EEA1: variants seen among roughly 807,000 people sequenced by gnomAD.
The protein encoded by EEA1 is early endosome antigen 1.
In EEA1, 111 loss-of-function variants were observed where a neutral mutation model predicts 209.2. The ratio of observed to expected loss-of-function variants is 0.53; its 90% CI spans 0.45 to 0.62. The LOEUF (loss-of-function observed/expected upper bound fraction) is 0.62, where lower values mean the gene tolerates loss of function less well. Ranked by LOEUF, EEA1 falls within the 20% of genes least tolerant of loss-of-function variation. The pLI, the probability that EEA1 is intolerant of heterozygous loss-of-function variation, is 0.00. For synonymous variants in EEA1, 536 were observed against 540.6 expected (o/e 0.99, Z 0.12); for missense variants, 1,343 against 1,530.8 (o/e 0.88, Z 2.05).
At position 92,851,150 on chromosome 12, in the gene EEA1, A is replaced by G. The variant is rs941891613; in HGVS notation, c.759T>C (p.Asp253=). The change falls in exon 9 of 29, where the codon GAT becomes GAC. Residue 253 remains aspartate, a synonymous_variant. Coordinates refer to ENST00000322349, the MANE Select transcript of EEA1 (RefSeq NM_003566.4). ...ATTGTGACTGCAATTTTTTGCATTC[A>G]TCTTTGAGTTTTTCAGATTCTCGCT... The part of the protein sequence containing the change: ...ERERESEKLK[D]ECKKLQSQYA... The G allele has an allele frequency of 6.2e-7, 1 of 1,613,478 alleles. No homozygotes were observed. The highest frequency in any genetic ancestry group is 1.3e-5 in the African/African-American group (1 of 74,872).
chr12:92,892,872 C>A (rs11615429), intron 1 of EEA1, among the ~76,000 whole-genome samples: 5 of 151,798 alleles, frequency 3.3e-5, no homozygotes, highest in Non-Finnish European at 7.4e-5. Context: ...TCAAGTGATC[C>A]CCCCACCTTG....
intron 9 of EEA1, among the ~76,000 whole-genome samples, chr12:92,847,099 T>C (rs966678963): frequency 1.1e-4 from 17 of 152,008 alleles, no homozygotes; most frequent in Non-Finnish European, 2.1e-4. Context: ...ATTACAGGCA[T>C]GCGCCACCAC....
chr12:92,789,843 G>A (rs955670721), intron 21 of EEA1, among the ~76,000 whole-genome samples: 2 of 152,202 alleles, frequency 1.3e-5, no homozygotes, highest in South Asian at 4.1e-4. Flanking sequence ...CCCCTGAGTA[G>A]CCTAACTGGG....
rs1166297730 is a variant in EEA1 at position 92,774,039 on chromosome 12, AATTT to A, written c.*1968_*1971del. ...ATATTCAAACCCAGATTTCTCATGG[AATTT>A]ATTATCTCAAAAAAAAAAAAAAAAC... is the stretch of plus-strand genomic sequence containing the variant. On this transcript the variant is annotated 3_prime_UTR_variant, in exon 29 of 29. Coordinates refer to ENST00000322349, the MANE Select transcript of EEA1 (RefSeq NM_003566.4). The A allele has an allele frequency of 9.9e-6, 1 of 101,282 alleles. No homozygotes were observed. Among genetic ancestry groups the A allele is most frequent in the Non-Finnish European group, 1.9e-5 (1 of 51,556 alleles). 6.3% of individuals were successfully genotyped at this position (101,282 alleles called of 1,614,324 possible).
rs749171036 is a variant in EEA1 at position 92,891,718 on chromosome 12, G to A, written c.28C>T (p.Pro10Ser). MLRRILQRT[P>S]GRVGSQGSDL... is the part of the protein sequence containing the mutation. ...GAACCTTGAGAGCCAACTCTCCCAG[G>A]AGTCTGGAACACAAACAGTAGGGAG... is the stretch of plus-strand genomic sequence containing the variant. The change falls in exon 2 of 29, where the codon CCT becomes TCT. Residue 10 changes from proline (P) to serine (S), a missense_variant. Transcript: ENST00000322349. The A allele has an allele frequency of 6.2e-7, 1 of 1,607,920 alleles. No homozygotes were observed. Among genetic ancestry groups the A allele is most frequent in the Non-Finnish European group, 8.5e-7 (1 of 1,178,244 alleles).
chr12:92,904,422 C>T (rs1317909618), intron 1 of EEA1, among the ~76,000 whole-genome samples: 1 of 152,206 alleles, frequency 6.6e-6, no homozygotes, highest in African/African-American at 2.4e-5. Flanking sequence ...CACTATACTT[C>T]TGAACAAATG....
At chr12:92,922,190 A>G (rs751790029) in intron 1 of EEA1, among the ~76,000 whole-genome samples, 3 of 152,086 alleles carry the variant, frequency 2.0e-5, no homozygotes, top group Non-Finnish European at 4.4e-5. Flanking sequence ...CCTACTGAAC[A>G]TCTCCACTTG....
chr12:92,802,254 G>C, intron 19 of EEA1, 150 bp downstream of exon 19: 1 of 709,880 alleles, frequency 1.4e-6, no homozygotes, highest in Non-Finnish European at 2.2e-6. Context: ...TTCTTCTCAG[G>C]TTAAGCAATC....
chr12:92,796,984 T>C (rs1421823141), intron 21 of EEA1, among the ~76,000 whole-genome samples: 1 of 152,256 alleles, frequency 6.6e-6, no homozygotes, highest in Non-Finnish European at 1.5e-5. Context: ...CATTCAGATC[T>C]GCCTGGCTTG....
At position 92,774,947 on chromosome 12, in the gene EEA1, CCA is replaced by C. The variant is rs947446925; in HGVS notation, c.*1062_*1063del. 1.3e-5 allele frequency: 2 copies of C among 151,644 alleles called. No homozygotes were observed. Among genetic ancestry groups the C allele is most frequent in the Non-Finnish European group, 3.0e-5 (2 of 67,640 alleles). The allele number at this position is 151,644 out of a possible 1,614,324, so 9.4% of individuals were successfully genotyped here. On this transcript the variant is annotated 3_prime_UTR_variant, in exon 29 of 29. Coordinates refer to ENST00000322349, the MANE Select transcript of EEA1 (RefSeq NM_003566.4). ...TTATATTTTGTTTTCACCAATAAGA[CCA>C]CAGCAATATTAGTTACTAGCTTTAA...
Position 92,779,176 on chromosome 12 carries a change from T to C in EEA1, c.3593A>G (p.Asp1198Gly). ...CTCCTCTTCTTCCTTTTTCACCTGG[T>C]CTTTTAGTATCTGCTGATTTCTCTT... ...QEKRNQQILKDQVKKEEEELK... is the reference protein window; with the variant it reads ...QEKRNQQILKGQVKKEEEELK... The change falls in exon 25 of 29, where the codon GAC (aspartate) becomes GGC (glycine). Residue 1198 changes from aspartate to glycine, a missense_variant. Around this residue, in one of 3 missense-constraint regions of EEA1, gnomAD observed 1,307 missense variants for 1,465.5 expected, o/e 0.89. Coordinates refer to ENST00000322349, the MANE Select transcript of EEA1 (RefSeq NM_003566.4). 1 of 1,611,226 alleles carries C rather than the reference T, an allele frequency of 6.2e-7. No individual in the cohort carries two copies. Among genetic ancestry groups the C allele is most frequent in the Non-Finnish European group, 8.5e-7 (1 of 1,179,306 alleles).
At position 92,811,126 on chromosome 12, in the gene EEA1, A is replaced by G. The variant is rs189749675; in HGVS notation, c.2199+153T>C. Among the ~76,000 whole-genome samples the G allele has an allele frequency of 6.7e-3, 1,013 of 152,278 alleles. 6 individuals carry two copies. Among genetic ancestry groups the G allele is most frequent in the Non-Finnish European group, 8.9e-3 (604 of 67,964 alleles). On this transcript the variant is annotated intron_variant, in intron 17 of 28. Coordinates refer to ENST00000322349, the MANE Select transcript of EEA1 (RefSeq NM_003566.4). ...AAAATAAAGATAGAATTCAAACTTA[A>G]GACATGAAAAATTACAAGCAATTTT...
intron 1 of EEA1, among the ~76,000 whole-genome samples, chr12:92,916,321 A>T (rs1247874780): frequency 1.3e-5 from 2 of 152,044 alleles, no homozygotes; most frequent in Non-Finnish European, 2.9e-5. Flanking sequence ...TTGAACAGAG[A>T]TCTGTGGATC....
chr12:92,842,759 T>C (rs1877224686), intron 9 of EEA1, among the ~76,000 whole-genome samples, 178 bp from the exon 10 acceptor site: 1 of 152,232 alleles, frequency 6.6e-6, no homozygotes, highest in African/African-American at 2.4e-5. Context: ...ACGACAAATT[T>C]TTACAATTTA....
chr12:92,924,914 A>C (rs1052819151), intron 1 of EEA1, among the ~76,000 whole-genome samples: 7 of 150,034 alleles, frequency 4.7e-5, no homozygotes, highest in Non-Finnish European at 1.0e-4. Flanking sequence ...TTTAAAATTC[A>C]CTTCAATAAA....
chr12:92,788,189 G>T, intron 21 of EEA1, 140 bp from the exon 22 acceptor site: 1 of 495,030 alleles, frequency 2.0e-6, no homozygotes, highest in Non-Finnish European at 3.2e-6. Context: ...ACCTCAATAG[G>T]GTAAATTACT....
At chr12:92,890,063 G>C (rs768058424) in intron 2 of EEA1, among the ~76,000 whole-genome samples, 6 of 152,240 alleles carry the variant, frequency 3.9e-5, no homozygotes, top group Non-Finnish European at 5.9e-5. Flanking sequence ...CAGCATATTA[G>C]AGAAGTTTGG....
chr12:92,845,668 A>G (rs1172837714), intron 9 of EEA1, among the ~76,000 whole-genome samples: 3 of 152,118 alleles, frequency 2.0e-5, no homozygotes, highest in African/African-American at 7.2e-5. Flanking sequence ...TACCGCCCAT[A>G]TGCACTTTAT....
At chr12:92,777,713 G>T in intron 26 of EEA1, 50 bp from the exon 27 acceptor site, 1 of 1,563,824 alleles carries the variant, frequency 6.4e-7, no homozygotes, top group South Asian at 1.2e-5. Flanking sequence ...ATCATTTAAA[G>T]ACCCTTCTAG....
Sources: allele counts gnomAD v4.1 joint callset (sites outside exome capture counted in the v4.1 genomes callset), GRCh38; gene constraint gnomAD v4.1.1; regional missense constraint gnomAD v4.1.1; transcripts MANE v1.5; gene names NCBI Gene and HGNC (gene_info 2026-07-23, HGNC 2026-07-21).